Variants in CRYBB2 observed in about 807,000 individuals in gnomAD.
CRYBB2 encodes crystallin beta B2.
A neutral mutation model predicts 24.3 loss-of-function variants in CRYBB2; 12 were observed. That is an observed-to-expected ratio of 0.49 (90% confidence interval 0.32 to 0.80). The LOEUF (loss-of-function observed/expected upper bound fraction) is 0.80. Ranked by LOEUF, CRYBB2 falls within the 30% of genes least tolerant of loss-of-function variation. The pLI, the probability that CRYBB2 is intolerant of heterozygous loss-of-function variation, is 0.04. For missense variants in CRYBB2, 198 were observed against 268.5 expected (o/e 0.74, Z 1.83); for synonymous variants, 98 against 101.6 (o/e 0.96, Z 0.21).
rs369692378 is a variant in CRYBB2 at position 25,222,287 on chromosome 22, CAGA to C, written c.54+810_54+812del. 4.2e-3 allele frequency among the ~76,000 whole-genome samples: 642 copies of C among 152,310 alleles called. 6 individuals are homozygous for C. The highest frequency in any genetic ancestry group is 0.015 in the African/African-American group (613 of 41,566). On this transcript the variant is annotated intron_variant, in intron 2 of 5. Coordinates refer to ENST00000398215, the MANE Select transcript of CRYBB2 (RefSeq NM_000496.3). ...TCTGTCCCTTTTAGGGCTTACTTTC[CAGA>C]AGAAGGACAGACAATAAATAAATGA...
intron 3 of CRYBB2, among the ~76,000 whole-genome samples, chr22:25,227,364 G>A (rs528045163): frequency 5.9e-5 from 9 of 151,956 alleles, no homozygotes; most frequent in East Asian, 1.9e-4. Flanking sequence ...GCGATGTTCT[G>A]GAGTCAGTTC....
chr22:25,221,902 A>G (rs1230438414), intron 2 of CRYBB2, among the ~76,000 whole-genome samples: 1 of 152,212 alleles, frequency 6.6e-6, no homozygotes, highest in Non-Finnish European at 1.5e-5. Flanking sequence ...TTCCATCTCT[A>G]TAAAAGGAGG....
At chr22:25,213,718 A>T (rs1322096017) in intron 1 of CRYBB2, 1 of 152,192 alleles carries the variant, frequency 6.6e-6, no homozygotes, top group East Asian at 1.9e-4. Context: ...TAACCCGCTC[A>T]CTAATATACC....
rs780020785 is a variant in CRYBB2, at chr22:25,229,627, C to A, written c.449+49C>A. 23 of 1,607,204 alleles carry A rather than the reference C, an allele frequency of 1.4e-5. No homozygotes were observed. In the Admixed American group the frequency reaches 3.7e-4, roughly 26 times the overall value. On this transcript the variant is annotated intron_variant, in intron 5 of 5. Transcript: ENST00000398215. ...TCACCCTGCCCCAGGAACTGAGACT[C>A]TGGGGTCCTAAGTCCTGCTCTGCCC...
chr22:25,223,658 C>G (rs1337383470), intron 2 of CRYBB2, among the ~76,000 whole-genome samples: 1 of 152,138 alleles, frequency 6.6e-6, no homozygotes, highest in Non-Finnish European at 1.5e-5. Flanking sequence ...CTTTCCCTTT[C>G]TTTGTGTGGC....
upstream of CRYBB2, among the ~76,000 whole-genome samples, chr22:25,217,536 C>T (rs762554212): frequency 5.3e-5 from 8 of 152,254 alleles, no homozygotes; most frequent in East Asian, 1.9e-4. Context: ...AGGCAGGTCT[C>T]GAGCTCCCAA....
At chr22:25,223,216 G>T (rs1034569445) in intron 2 of CRYBB2, among the ~76,000 whole-genome samples, 1 of 152,180 alleles carries the variant, frequency 6.6e-6, no homozygotes, top group Admixed American at 6.5e-5. Context: ...CCAGTGTTGT[G>T]TGCACAGGTT....
chr22:25,211,829 G>C (rs1466101356), upstream of CRYBB2, among the ~76,000 whole-genome samples: 1 of 152,232 alleles, frequency 6.6e-6, no homozygotes, highest in African/African-American at 2.4e-5. Context: ...GCTTAATTGA[G>C]AGGCAGTATT....
intron 5 of CRYBB2, among the ~76,000 whole-genome samples, chr22:25,231,147 T>G (rs1366094308): frequency 6.6e-6 from 1 of 152,182 alleles, no homozygotes; most frequent in Non-Finnish European, 1.5e-5. Context: ...ACCAGCACTT[T>G]CATTAAGTAG....
At chr22:25,214,536 GTGGGAGT>G (rs1935142557) in intron 1 of CRYBB2, among the ~76,000 whole-genome samples, 3 of 151,892 alleles carry the variant, frequency 2.0e-5, no homozygotes, top group African/African-American at 7.3e-5. Context: ...TACTTTGAGT[GTGGGAGT>G]GAAAAGAAAT....
chr22:25,213,085 G>A (rs1935126116), intron 1 of CRYBB2, among the ~76,000 whole-genome samples: 1 of 152,120 alleles, frequency 6.6e-6, no homozygotes, highest in African/African-American at 2.4e-5. Flanking sequence ...AATACAGTTA[G>A]AGTTAGGACA....
intron 1 of CRYBB2, among the ~76,000 whole-genome samples, chr22:25,213,914 T>C (rs1371932801): frequency 6.6e-6 from 1 of 152,154 alleles, no homozygotes; most frequent in Non-Finnish European, 1.5e-5. Flanking sequence ...TCAATACGTA[T>C]TTTCTGAGCA....
At chr22:25,218,263 A>C (rs1465353481), upstream of CRYBB2, among the ~76,000 whole-genome samples, 1 of 147,156 alleles carries the variant, frequency 6.8e-6, no homozygotes, top group South Asian at 2.2e-4. Flanking sequence ...CATCTCAAAA[A>C]AAAAAAAAAT....
chr22:25,218,820 A>AAG (rs769717330), upstream of CRYBB2, among the ~76,000 whole-genome samples: 5,776 of 90,318 alleles, frequency 0.064, 362 homozygotes, highest in African/African-American at 0.11. Context: ...GAAAGAAAGA[A>AAG]AGAAAGAAAG....
intron 1 of CRYBB2, among the ~76,000 whole-genome samples, chr22:25,214,543 T>TCCAA (rs1935142714): frequency 2.0e-5 from 3 of 151,436 alleles, no homozygotes; most frequent in African/African-American, 7.4e-5. Flanking sequence ...AGTGTGGGAG[T>TCCAA]GAAAAGAAAT....
chr22:25,229,023 CGTGT>C (rs200311848), intron 4 of CRYBB2, among the ~76,000 whole-genome samples: 2 of 145,764 alleles, frequency 1.4e-5, no homozygotes, highest in African/African-American at 5.1e-5. Flanking sequence ...TGGGTGTGCA[CGTGT>C]GTGCGTGCGT....
exon 1 of CRYBB2, chr22:25,212,666 G>A (rs1935120333): frequency 6.6e-6 from 1 of 152,172 alleles, no homozygotes; most frequent in Non-Finnish European, 1.5e-5. Context: ...GTTGCTGTGT[G>A]AGGGCCACTT....
Position 25,231,615 on chromosome 22 carries a change from A to G in CRYBB2, c.461A>G (p.Tyr154Cys), listed in dbSNP as rs778602223. 12 of 1,613,864 alleles carry G rather than the reference A, an allele frequency of 7.4e-6. No homozygotes were observed. The East Asian group carries it at 2.0e-4, about 27-fold the overall frequency. ...VRVQSGTWVG[Y>C]QYPGYRGLQY... ...CTCTGGCCCTGCAGGTGGGTTGGCT[A>G]CCAGTACCCCGGCTACCGTGGGCTG... The change falls in exon 6 of 6, where the codon TAC becomes TGC. Residue 154 changes from tyrosine to cysteine, a missense_variant. Tyr to Cys is a radical substitution (Grantham distance 194). Coordinates refer to ENST00000398215, the MANE Select transcript of CRYBB2 (RefSeq NM_000496.3).
intron 1 of CRYBB2, among the ~76,000 whole-genome samples, chr22:25,214,544 G>A (rs1935142739): frequency 6.6e-6 from 1 of 151,538 alleles, no homozygotes; most frequent in African/African-American, 2.4e-5. Flanking sequence ...GTGTGGGAGT[G>A]AAAAGAAATA....
Sources: gnomAD v4.1 joint callset for allele counts (sites outside exome capture counted in the v4.1 genomes callset) on GRCh38, gnomAD v4.1.1 for gene constraint, MANE v1.5 for transcripts, NCBI Gene and HGNC (gene_info 2026-07-23, HGNC 2026-07-21) for gene names.